GRM8: variants seen among roughly 807,000 people sequenced by gnomAD.
GRM8 encodes glutamate metabotropic receptor 8, also known as metabotropic glutamate receptor 8.
GRM8 carries 47 observed loss-of-function variants against 87.2 expected under a neutral mutation model. That is an observed-to-expected ratio of 0.54 (90% CI 0.43 to 0.69). The LOEUF (loss-of-function observed/expected upper bound fraction) is 0.69. Ranked by LOEUF, GRM8 falls within the 30% of genes least tolerant of loss-of-function variation. GRM8 has a pLI of 0.00. For synonymous variants in GRM8, 396 were observed against 404.5 expected (o/e 0.98, Z 0.25); for missense variants, 1,019 against 1,139.2 (o/e 0.89, Z 1.52).
chr7:126,756,147 C>T (rs923377906), intron 7 of GRM8, among the ~76,000 whole-genome samples: 5 of 151,768 alleles, frequency 3.3e-5, no homozygotes, highest in African/African-American at 1.2e-4. Flanking sequence ...CCTCAAATCT[C>T]TAAGTGAAAA....
intron 2 of GRM8, among the ~76,000 whole-genome samples, chr7:127,126,408 A>G (rs150810684): frequency 6.0e-4 from 92 of 152,088 alleles, no homozygotes; most frequent in African/African-American, 2.0e-3. Context: ...GCTCCCACTT[A>G]TAAGTGGGAG....
chr7:126,495,993 G>A lies in GRM8; in HGVS notation c.2430+36959C>T, dbSNP rs183033972. ...CAAAGCCAAATACTTCAAAACTGAA[G>A]GGACTGAATTCAGTGGTCTTCTAAC... On this transcript the variant is annotated intron_variant, in intron 9 of 10. Transcript: ENST00000339582. 7.2e-5 allele frequency among the ~76,000 whole-genome samples: 11 copies of A among 152,042 alleles called. No individual in the cohort carries two copies. In the East Asian group the frequency reaches 2.1e-3, roughly 30 times the overall value.
intron 3 of GRM8, among the ~76,000 whole-genome samples, chr7:126,939,641 G>A (rs1394675060): frequency 1.3e-5 from 2 of 152,312 alleles, no homozygotes; most frequent in Non-Finnish European, 2.9e-5. Context: ...CCCACTGGTT[G>A]TAGGGTAAAT....
intron 6 of GRM8, among the ~76,000 whole-genome samples, chr7:126,818,837 G>T (rs1025270891): frequency 3.3e-5 from 5 of 152,158 alleles, no homozygotes; most frequent in African/African-American, 1.2e-4. Flanking sequence ...CTAATACTCA[G>T]CTGTCCCATG....
At chr7:126,608,371 C>A (rs1200304175) in intron 8 of GRM8, among the ~76,000 whole-genome samples, 1 of 152,160 alleles carries the variant, frequency 6.6e-6, no homozygotes, top group Non-Finnish European at 1.5e-5. Context: ...ACGTGCTAAC[C>A]CCACTGGGTA....
chr7:126,595,192 G>A, intron 8 of GRM8, among the ~76,000 whole-genome samples: 1 of 151,676 alleles, frequency 6.6e-6, no homozygotes, highest in East Asian at 1.9e-4. Flanking sequence ...AGGTACATGT[G>A]AAGTTTGGTT....
chr7:126,481,931 T>C lies in GRM8; in HGVS notation c.2431-35559A>G, dbSNP rs149169168. Among the ~76,000 whole-genome samples, 662 of 152,158 alleles carry C rather than the reference T, an allele frequency of 4.4e-3. 3 individuals carry two copies. The highest frequency in any genetic ancestry group is 8.0e-3 in the Non-Finnish European group (541 of 67,950). On this transcript the variant is annotated intron_variant, in intron 9 of 10. Coordinates refer to ENST00000339582, the MANE Select transcript of GRM8 (RefSeq NM_000845.3). ...TATAATGCTTTTGTAAGTCTAAAAG[T>C]ATCTCAAATTTAAAAATTAGGGGAA...
chr7:126,880,896 A>G (rs1273089103), intron 6 of GRM8, among the ~76,000 whole-genome samples: 1 of 152,122 alleles, frequency 6.6e-6, no homozygotes, highest in Admixed American at 6.6e-5. Context: ...CAATTCTCTA[A>G]TGCCTGGTCT....
chr7:127,105,890 A>T (rs1351834468), intron 3 of GRM8, among the ~76,000 whole-genome samples: 1 of 152,204 alleles, frequency 6.6e-6, no homozygotes, highest in East Asian at 1.9e-4. Flanking sequence ...AGACACTTGG[A>T]TAAGCACCTT....
At chr7:126,772,719 T>C (rs1408876054) in intron 6 of GRM8, among the ~76,000 whole-genome samples, 1 of 152,068 alleles carries the variant, frequency 6.6e-6, no homozygotes, top group Non-Finnish European at 1.5e-5. Context: ...CTTCCCCTTT[T>C]CTCACTAGAT....
intron 3 of GRM8, among the ~76,000 whole-genome samples, chr7:126,942,117 T>G (rs1807015877): frequency 6.6e-6 from 1 of 151,942 alleles, no homozygotes; most frequent in African/African-American, 2.4e-5. Context: ...GAAAACTACT[T>G]TCTGGATGTT....
chr7:126,852,918 T>A (rs1797348515), intron 6 of GRM8, among the ~76,000 whole-genome samples: 2 of 152,216 alleles, frequency 1.3e-5, no homozygotes, highest in Admixed American at 1.3e-4. Context: ...ATAATCATAA[T>A]AGATTAACAT....
chr7:127,075,031 G>T (rs1822114674), intron 3 of GRM8, among the ~76,000 whole-genome samples: 1 of 152,192 alleles, frequency 6.6e-6, no homozygotes, highest in Non-Finnish European at 1.5e-5. Context: ...AGAGTTATAG[G>T]TGTGTTTCCT....
chr7:126,482,146 G>A (rs1038119956), intron 9 of GRM8, among the ~76,000 whole-genome samples: 11 of 151,994 alleles, frequency 7.2e-5, no homozygotes, highest in Non-Finnish European at 1.6e-4. Context: ...TATAAAAACG[G>A]AAAGCACATG....
At chr7:126,883,767 A>G (rs1339947856) in intron 6 of GRM8, among the ~76,000 whole-genome samples, 1 of 152,122 alleles carries the variant, frequency 6.6e-6, no homozygotes, top group African/African-American at 2.4e-5. Context: ...TTTAACTAAG[A>G]CTATCATGCA....
chr7:127,107,150 G>A (rs1372882219), intron 2 of GRM8, among the ~76,000 whole-genome samples: 1 of 152,088 alleles, frequency 6.6e-6, no homozygotes, highest in Non-Finnish European at 1.5e-5. Context: ...GACTAACAGG[G>A]AATTTAATAT....
intron 7 of GRM8, among the ~76,000 whole-genome samples, chr7:126,648,001 A>T (rs1803357514): frequency 6.6e-6 from 1 of 152,188 alleles, no homozygotes; most frequent in Non-Finnish European, 1.5e-5. Flanking sequence ...AACAATTTAG[A>T]TTCTGGCTAG....
chr7:126,629,996 T>A (rs1327062210), intron 7 of GRM8, among the ~76,000 whole-genome samples: 1 of 152,118 alleles, frequency 6.6e-6, no homozygotes, highest in Non-Finnish European at 1.5e-5. Context: ...TTTACAAAAA[T>A]GATTATTTTC....
chr7:126,656,201 T>TA (rs1391961628), intron 7 of GRM8, among the ~76,000 whole-genome samples: 1 of 152,166 alleles, frequency 6.6e-6, no homozygotes, highest in Non-Finnish European at 1.5e-5. Context: ...TGGGGTAAGA[T>TA]AACTAGAGTA....
Sources: gnomAD v4.1 joint callset for allele counts (sites outside exome capture counted in the v4.1 genomes callset) on GRCh38, gnomAD v4.1.1 for gene constraint, MANE v1.5 for transcripts, NCBI Gene and HGNC (gene_info 2026-07-23, HGNC 2026-07-21) for gene names.